Variants in FGF13 observed in about 807,000 individuals in gnomAD.
FGF13 encodes the protein fibroblast growth factor homologous factor 2.
In FGF13, 2 loss-of-function variants were observed where a neutral mutation model predicts 19.5. The ratio of observed to expected loss-of-function variants is 0.10; its 90% confidence interval spans 0.04 to 0.32. The LOEUF (loss-of-function observed/expected upper bound fraction) is 0.32, where lower values mean the gene tolerates loss of function less well. Among genes scored for constraint, FGF13 ranks in the 10% least tolerant of loss-of-function variants. FGF13 has a pLI of 1.00. For synonymous variants in FGF13, 72 were observed against 76.9 expected (o/e 0.94, Z 0.33); for missense variants, 113 against 192.7 (o/e 0.59, Z 2.45).
chrX:138,754,683 T>G (rs183582191), intron 3 of FGF13, among the ~76,000 whole-genome samples: 105 of 111,592 alleles, frequency 9.4e-4, no homozygotes, highest in African/African-American at 3.1e-3. Flanking sequence ...TGCCTCACTA[T>G]GTTTAAATAG....
At chrX:139,043,005 T>G (rs1468857414) in intron 1 of FGF13, among the ~76,000 whole-genome samples, 1 of 111,079 alleles carries the variant, frequency 9.0e-6, no homozygotes, top group Admixed American at 9.6e-5. Context: ...AATAGCTAGA[T>G]GTCAGTTATT....
intron 3 of FGF13, among the ~76,000 whole-genome samples, chrX:138,646,548 C>G (rs1286476424): frequency 8.9e-6 from 1 of 111,772 alleles, no homozygotes; most frequent in Non-Finnish European, 1.9e-5. Context: ...CGGGCAGCAG[C>G]ATTCCATTTA....
intron 1 of FGF13, among the ~76,000 whole-genome samples, chrX:139,147,599 T>C (rs774026622): frequency 2.7e-5 from 3 of 111,899 alleles, no homozygotes; most frequent in South Asian, 3.7e-4. Flanking sequence ...AAACTGGATG[T>C]CTGAAAACAA....
At chrX:138,654,672 C>T (rs1002864605) in intron 3 of FGF13, among the ~76,000 whole-genome samples, 14 of 111,046 alleles carry the variant, frequency 1.3e-4, no homozygotes, top group African/African-American at 3.6e-4. Flanking sequence ...ACCCGGGAGG[C>T]GGAGGTTGCA....
At chrX:139,204,036 G>A (rs116200522), upstream of FGF13, 19,010 of 1,204,739 alleles carry the variant, frequency 0.016, 1,846 homozygotes, top group African/African-American at 0.29. Flanking sequence ...AGGAAAGCAG[G>A]CGGACTCGGC....
chrX:139,138,248 A>G (rs559166114), intron 1 of FGF13, among the ~76,000 whole-genome samples: 1 of 112,170 alleles, frequency 8.9e-6, no homozygotes, highest in African/African-American at 3.2e-5. Flanking sequence ...AACTTTCTCA[A>G]GCCCAAACAC....
At chrX:138,748,071 G>T (rs2090368906) in intron 3 of FGF13, among the ~76,000 whole-genome samples, 1 of 111,375 alleles carries the variant, frequency 9.0e-6, no homozygotes, top group African/African-American at 3.3e-5. Context: ...CACTGCTCCA[G>T]CAGCATAATC....
intron 2 of FGF13, among the ~76,000 whole-genome samples, chrX:138,863,379 C>T (rs1208079471): frequency 1.8e-5 from 2 of 111,594 alleles, no homozygotes; most frequent in Middle Eastern, 4.6e-3. Flanking sequence ...GCTCCCTCTC[C>T]TAACTCTCAA....
At chrX:139,102,263 A>G (rs900853945) in intron 1 of FGF13, among the ~76,000 whole-genome samples, 1 of 111,949 alleles carries the variant, frequency 8.9e-6, no homozygotes, top group Non-Finnish European at 1.9e-5. Flanking sequence ...CTTACTATGA[A>G]CGTGGCTCTG....
rs755553290 is a variant in FGF13, at chrX:138,703,099, A to G, written c.299-12T>C. The G allele has an allele frequency of 1.8e-6, 2 of 1,131,378 alleles. No individual in the cohort carries two copies. Among genetic ancestry groups the G allele is most frequent in the Non-Finnish European group, 2.4e-6 (2 of 822,512 alleles). The allele number at this position is 1,131,378 out of a possible 1,213,427, so 93.2% of individuals were successfully genotyped here. A position where few individuals can be genotyped will look rare whatever the true frequency, so the allele number is the denominator to read the frequency against. On this transcript the variant is annotated splice_polypyrimidine_tract_variant and intron_variant, in intron 2 of 4. Coordinates refer to ENST00000315930, the MANE Select transcript of FGF13 (RefSeq NM_004114.5). ...GAGGTTAAACAGAGCTGAAATTAAA[A>G]AAGAAAATGAAAACAGTGTTACAAT...
upstream of FGF13, chrX:138,715,877 A>G (rs986960918): frequency 8.9e-6 from 1 of 112,134 alleles, no homozygotes; most frequent in Non-Finnish European, 1.9e-5. Context: ...TTCTCTGCCA[A>G]TCTCTTTTGG....
intron 3 of FGF13, among the ~76,000 whole-genome samples, chrX:138,669,623 C>T (rs183821868): frequency 1.8e-5 from 2 of 111,309 alleles, no homozygotes; most frequent in Admixed American, 9.6e-5. Context: ...TAAGAGTATA[C>T]TGGAAATATT....
intron 3 of FGF13, among the ~76,000 whole-genome samples, chrX:138,757,270 C>A (rs2090437469): frequency 9.1e-6 from 1 of 110,000 alleles, no homozygotes; most frequent in Admixed American, 9.7e-5. Flanking sequence ...CACCTCCCCA[C>A]CCTTTGAGCA....
chrX:138,850,334 T>C (rs2091213490), intron 3 of FGF13, among the ~76,000 whole-genome samples: 1 of 111,383 alleles, frequency 9.0e-6, no homozygotes, highest in Non-Finnish European at 1.9e-5. Flanking sequence ...TCATTTTGTG[T>C]TTGCTGCCAT....
chrX:138,652,469 A>G (rs1256688221), intron 3 of FGF13, among the ~76,000 whole-genome samples: 1 of 112,102 alleles, frequency 8.9e-6, no homozygotes, highest in Non-Finnish European at 1.9e-5. Context: ...GGAACAGTAC[A>G]TGGTACTCTA....
intron 3 of FGF13, among the ~76,000 whole-genome samples, chrX:138,666,565 C>T (rs892774856): frequency 1.2e-4 from 13 of 111,373 alleles, no homozygotes; most frequent in Non-Finnish European, 2.3e-4. Context: ...TTATTAGCTA[C>T]GTGTCTTTTG....
chrX:138,852,560 T>C (rs756393770), downstream of FGF13, among the ~76,000 whole-genome samples: 19 of 111,824 alleles, frequency 1.7e-4, no homozygotes, highest in African/African-American at 5.8e-4. Flanking sequence ...TAATTCAAGA[T>C]GGATTAAAGA....
At chrX:139,171,497 C>T (rs1417013406) in intron 1 of FGF13, among the ~76,000 whole-genome samples, 6 of 111,643 alleles carry the variant, frequency 5.4e-5, no homozygotes, top group Non-Finnish European at 7.5e-5. Context: ...TGCTCTTAGG[C>T]TATAATCTTC....
At chrX:138,695,576 CTG>C (rs1189944238) in intron 3 of FGF13, among the ~76,000 whole-genome samples, 3 of 111,157 alleles carry the variant, frequency 2.7e-5, no homozygotes, top group African/African-American at 9.8e-5. Flanking sequence ...GCTCAGAAAA[CTG>C]TGTGTGTGTG....
Sources: gnomAD v4.1 joint callset for allele counts (sites outside exome capture counted in the v4.1 genomes callset) on GRCh38, gnomAD v4.1.1 for gene constraint, MANE v1.5 for transcripts, NCBI Gene and HGNC (gene_info 2026-07-23, HGNC 2026-07-21) for gene names.